Variants in BTN2A1 observed in about 807,000 individuals in gnomAD.
BTN2A1 encodes the protein butyrophilin, subfamily 2, member A1.
BTN2A1 carries 41 observed loss-of-function variants against 34.5 expected under a neutral mutation model. The ratio of observed to expected loss-of-function variants is 1.19; its 90% confidence interval spans 0.93 to 1.54. BTN2A1 has a LOEUF of 1.54. Among genes scored for constraint, BTN2A1 ranks in the 40% most tolerant of loss-of-function variants. The probability of loss-of-function intolerance (pLI) is 0.00; values close to 1 mark genes in which losing one functional copy is unlikely to be tolerated. For synonymous variants in BTN2A1, 267 were observed against 258.6 expected, an observed-to-expected ratio of 1.03 and a Z score of -0.31; for missense variants, 642 against 662.0, an observed-to-expected ratio of 0.97 and a Z score of 0.33.
At chr6:26,464,025 C>T (rs2113860893) in intron 4 of BTN2A1, among the ~76,000 whole-genome samples, 1 of 152,304 alleles carries the variant, frequency 6.6e-6, no homozygotes, top group East Asian at 1.9e-4. Context: ...TGTTCTCGAA[C>T]TCCTGACCTC....
Position 26,467,917 on chromosome 6 carries a change from C to T in BTN2A1, c.983-31C>T, listed in dbSNP as rs373370733. The T allele has an allele frequency of 2.4e-5, 38 of 1,597,836 alleles. No individual in the cohort carries two copies. The Admixed American group carries it at 6.3e-4, about 26-fold the overall frequency. On this transcript the variant is annotated intron_variant, in intron 7 of 7. Transcript: ENST00000312541. Reference sequence around the variant, plus strand: ...ACACAATCCCCAGGGTTCCTGAGACCCCAGGCCTAAACCTGAGACTTCCTC... The same window carrying T: ...ACACAATCCCCAGGGTTCCTGAGACTCCAGGCCTAAACCTGAGACTTCCTC...
At chr6:26,474,290 A>G (rs1035917091), downstream of BTN2A1, among the ~76,000 whole-genome samples, 1 of 152,200 alleles carries the variant, frequency 6.6e-6, no homozygotes, top group Non-Finnish European at 1.5e-5. Context: ...CTATGTTCAA[A>G]TAAGGCCAAC....
intron 2 of BTN2A1, 21 bp from the exon 3 acceptor site, chr6:26,459,460 C>A: frequency 6.2e-7 from 1 of 1,608,922 alleles, no homozygotes; most frequent in South Asian, 1.1e-5. Flanking sequence ...CTTTGTCTGA[C>A]TCTACCCCTT....
chr6:26,476,011 C>T (rs1763531883), intron 7 of BTN2A1: 1 of 902,976 alleles, frequency 1.1e-6, no homozygotes. Flanking sequence ...AAGTAAATAA[C>T]ATATTATTAT....
chr6:26,458,832 G>A (rs1428076451), intron 2 of BTN2A1, 114 bp downstream of exon 2: 15 of 1,345,608 alleles, frequency 1.1e-5, no homozygotes, highest in Non-Finnish European at 1.6e-5. Context: ...CTTTCATTCT[G>A]AACATGTTCA....
Position 26,465,213 on chromosome 6 carries a change from T to G in BTN2A1, c.741T>G (p.Cys247Trp). The change falls in exon 5 of 8, where the codon TGT becomes TGG. Residue 247 changes from cysteine to tryptophan, a missense_variant. Coordinates refer to ENST00000312541, the MANE Select transcript of BTN2A1 (RefSeq NM_007049.5). ...CCTTTATGCCCAGTGTGTCTCCCTG[T>G]GCAGTGGCCCTGCCTATCATTGTGG... ...PESFMPSVSP[C>W]AVALPIIVVI... is the part of the protein sequence containing the mutation. 6.2e-7 allele frequency: 1 copy of G among 1,614,108 alleles called. No homozygotes were observed. Among genetic ancestry groups the G allele is most frequent in the Non-Finnish European group, 8.5e-7 (1 of 1,179,924 alleles).
rs1411255539 is a variant in BTN2A1, at chr6:26,468,921, G to A, written c.*372G>A. The A allele has an allele frequency of 5.5e-6, 7 of 1,271,736 alleles. No individual in the cohort carries two copies. The highest frequency in any genetic ancestry group is 1.4e-5 in the South Asian group (1 of 70,726). The allele number at this position is 1,271,736 out of a possible 1,614,324, so 78.8% of individuals were successfully genotyped here. On this transcript the variant is annotated 3_prime_UTR_variant, in exon 8 of 8. Coordinates refer to ENST00000312541, the MANE Select transcript of BTN2A1 (RefSeq NM_007049.5). ...ACCAGAAGATATGGACTTGGAATGAGGCCTACAGGGTTCACCAGGATGTAA... is the reference window on the plus strand; with the variant it reads ...ACCAGAAGATATGGACTTGGAATGAAGCCTACAGGGTTCACCAGGATGTAA...
chr6:26,473,769 AAC>A (rs1420783047), downstream of BTN2A1, among the ~76,000 whole-genome samples: 1 of 152,262 alleles, frequency 6.6e-6, no homozygotes, highest in Non-Finnish European at 1.5e-5. Flanking sequence ...TTGTACACGT[AAC>A]ACACACATTA....
rs1561870806 is a variant in BTN2A1 at position 26,463,464 on chromosome 6, GTCCTGCTCT to G, written c.652_660del (p.Ser218_Ser220del). 1 of 1,614,044 alleles carries G rather than the reference GTCCTGCTCT, an allele frequency of 6.2e-7. No homozygotes were observed. Among genetic ancestry groups the G allele is most frequent in the East Asian group, 2.2e-5 (1 of 44,884 alleles). On this transcript the variant is annotated inframe_deletion, in exon 4 of 8. Transcript: ENST00000312541. ...TCAGAGACAAGTCTGTGAGGAACAT[GTCCTGCTCT>G]ATCAACAACACCCTGCTCGGCCAGA...
downstream of BTN2A1, among the ~76,000 whole-genome samples, chr6:26,469,899 T>A (rs950782989): frequency 2.0e-5 from 3 of 151,626 alleles, no homozygotes; most frequent in Admixed American, 2.0e-4. Flanking sequence ...ACAAAAAAAA[T>A]TAGGTGTGGT....
chr6:26,468,945 A>T lies in BTN2A1; in HGVS notation c.*396A>T. The stretch of plus-strand genomic sequence containing the variant: ...AGGCCTACAGGGTTCACCAGGATGT[A>T]AGAGGAGAGAGGAATCCACAGGACC... On this transcript the variant is annotated 3_prime_UTR_variant, in exon 8 of 8. Transcript: ENST00000312541. 1 of 1,224,116 alleles carries T rather than the reference A, an allele frequency of 8.2e-7. No homozygotes were observed. The highest frequency in any genetic ancestry group is 1.0e-6 in the Non-Finnish European group (1 of 963,876). The allele number at this position is 1,224,116 out of a possible 1,614,324, so 75.8% of individuals were successfully genotyped here.
Position 26,469,027 on chromosome 6 carries a change from A to T in BTN2A1, c.*478A>T, listed in dbSNP as rs2113868264. On this transcript the variant is annotated 3_prime_UTR_variant, in exon 8 of 8. Coordinates refer to ENST00000312541, the MANE Select transcript of BTN2A1 (RefSeq NM_007049.5). ...TCAGAGATAGAGGAAGTGGAACCAG[A>T]GAGCTGGGAGGGACCAAGGTTGTAA... 1.7e-6 allele frequency: 2 copies of T among 1,177,604 alleles called. No homozygotes were observed. Among genetic ancestry groups the T allele is most frequent in the Non-Finnish European group, 2.1e-6 (2 of 936,796 alleles). 72.9% of individuals were successfully genotyped at this position (1,177,604 alleles called of 1,614,324 possible).
intron 3 of BTN2A1, among the ~76,000 whole-genome samples, chr6:26,461,978 G>C (rs554410875): frequency 6.6e-6 from 1 of 151,472 alleles, no homozygotes; most frequent in Non-Finnish European, 1.5e-5. Flanking sequence ...CCATGATCAT[G>C]CTTCTGCATT....
chr6:26,464,457 A>T (rs943033822), intron 4 of BTN2A1, among the ~76,000 whole-genome samples: 1 of 152,220 alleles, frequency 6.6e-6, no homozygotes, highest in Non-Finnish European at 1.5e-5. Flanking sequence ...GCAATGTGAG[A>T]CATTGCAATT....
downstream of BTN2A1, among the ~76,000 whole-genome samples, chr6:26,473,800 C>T (rs1190577953): frequency 6.6e-6 from 1 of 152,168 alleles, no homozygotes. Flanking sequence ...AATATGTAAA[C>T]ACAGAGAGCT....
intron 7 of BTN2A1, among the ~76,000 whole-genome samples, chr6:26,474,756 C>A (rs1763509333): frequency 1.2e-5 from 1 of 80,498 alleles, no homozygotes; most frequent in Non-Finnish European, 2.5e-5. Flanking sequence ...AGCAAAGACT[C>A]CTTTTTTTTT....
chr6:26,464,311 T>C (rs1397809541), intron 4 of BTN2A1, among the ~76,000 whole-genome samples: 1 of 152,220 alleles, frequency 6.6e-6, no homozygotes, highest in Admixed American at 6.5e-5. Flanking sequence ...CAAAACACTG[T>C]TCTACCAAGG....
chr6:26,461,719 G>A (rs1187626560), intron 3 of BTN2A1, among the ~76,000 whole-genome samples: 2 of 152,036 alleles, frequency 1.3e-5, no homozygotes, highest in African/African-American at 2.4e-5. Context: ...GGTGGCCTAG[G>A]TTGCAATGAG....
intron 7 of BTN2A1, among the ~76,000 whole-genome samples, chr6:26,475,417 CA>C (rs1763520773): frequency 6.6e-6 from 1 of 152,166 alleles, no homozygotes. Flanking sequence ...TTATTGTAAA[CA>C]AAAGGAGTCT....
Sources: gnomAD v4.1 joint callset for allele counts (sites outside exome capture counted in the v4.1 genomes callset) on GRCh38, gnomAD v4.1.1 for gene constraint, MANE v1.5 for transcripts, NCBI Gene and HGNC (gene_info 2026-07-23, HGNC 2026-07-21) for gene names.